Variants in COLQ observed in about 807,000 individuals in gnomAD.
COLQ encodes collagen like tail subunit of asymmetric acetylcholinesterase.
Under a neutral mutation model 69.0 loss-of-function variants are expected in COLQ, and 48 were observed. That is an observed-to-expected ratio of 0.70 (90% CI 0.55 to 0.88). The LOEUF (loss-of-function observed/expected upper bound fraction) is 0.88. Ranked by LOEUF, COLQ falls within the 40% of genes least tolerant of loss-of-function variation. COLQ has a pLI of 0.00. For missense variants in COLQ, 618 were observed against 594.6 expected (o/e 1.04, Z -0.41); for synonymous variants, 217 against 211.2 (o/e 1.03, Z -0.24).
At chr3:15,491,177 G>T (rs1279050646) in intron 1 of COLQ, among the ~76,000 whole-genome samples, 1 of 150,932 alleles carries the variant, frequency 6.6e-6, no homozygotes, top group Non-Finnish European at 1.5e-5. Context: ...TCTTGAAATG[G>T]CCCTAAAAAA....
intron 12 of COLQ, among the ~76,000 whole-genome samples, chr3:15,465,808 T>C (rs1289956196): frequency 1.3e-5 from 2 of 151,818 alleles, no homozygotes; most frequent in African/African-American, 4.8e-5. Context: ...TTTGCCATGG[T>C]TGACCAGGCT....
chr3:15,504,456 G>A (rs546592808), intron 1 of COLQ, among the ~76,000 whole-genome samples: 2 of 152,288 alleles, frequency 1.3e-5, no homozygotes, highest in South Asian at 4.1e-4. Flanking sequence ...GTCTCTTTGT[G>A]TGTTCAGATT....
intron 1 of COLQ, among the ~76,000 whole-genome samples, chr3:15,496,867 C>T (rs921123866): frequency 1.3e-5 from 2 of 152,058 alleles, no homozygotes; most frequent in Admixed American, 6.6e-5. Context: ...CTTTGGAAAG[C>T]GATTTTCTCC....
intron 1 of COLQ, among the ~76,000 whole-genome samples, chr3:15,513,961 T>C (rs2063021801): frequency 1.3e-5 from 2 of 152,148 alleles, no homozygotes; most frequent in African/African-American, 4.8e-5. Flanking sequence ...ACAAGGGTCA[T>C]TATAAGAGAC....
At chr3:15,477,093 A>T in intron 6 of COLQ, 33 bp downstream of exon 6, 1 of 1,575,068 alleles carries the variant, frequency 6.3e-7, no homozygotes, top group Admixed American at 1.8e-5. Context: ...TTGTTTTGAC[A>T]CCGCATGAGC....
At chr3:15,454,345 G>T (rs532107765) in intron 15 of COLQ, among the ~76,000 whole-genome samples, 1 of 152,334 alleles carries the variant, frequency 6.6e-6, no homozygotes, top group East Asian at 1.9e-4. Flanking sequence ...TGACACTGGT[G>T]AGCCCAGCCT....
intron 12 of COLQ, among the ~76,000 whole-genome samples, chr3:15,464,747 G>C (rs73146123): frequency 0.1 from 15,919 of 152,242 alleles, 884 homozygotes; most frequent in East Asian, 0.19. Context: ...TATAACTGAA[G>C]ACAGAAAATG....
At chr3:15,515,381 C>T (rs2063046611) in intron 1 of COLQ, among the ~76,000 whole-genome samples, 1 of 152,168 alleles carries the variant, frequency 6.6e-6, no homozygotes, top group African/African-American at 2.4e-5. Flanking sequence ...CCCAGGACCC[C>T]TCACAGTAGG....
intron 11 of COLQ, 134 bp downstream of exon 11, chr3:15,470,402 G>T: frequency 1.2e-6 from 1 of 826,680 alleles, no homozygotes. Flanking sequence ...TGCTGCTCCC[G>T]TCTGCTAGCC....
chr3:15,459,531 T>G (rs1011928463), intron 12 of COLQ, among the ~76,000 whole-genome samples: 4 of 150,096 alleles, frequency 2.7e-5, no homozygotes, highest in Non-Finnish European at 5.9e-5. Context: ...CAGGGTGAAG[T>G]GCAGTGGTGT....
At chr3:15,474,312 C>A (rs1271280332) in intron 8 of COLQ, 40 bp from the exon 9 acceptor site, 2 of 1,603,706 alleles carry the variant, frequency 1.2e-6, no homozygotes. Context: ...GAGTTAATAT[C>A]CTGGGAGGGA....
chr3:15,499,139 G>T (rs1335467350), intron 1 of COLQ, among the ~76,000 whole-genome samples: 1 of 151,360 alleles, frequency 6.6e-6, no homozygotes, highest in Non-Finnish European at 1.5e-5. Context: ...AAAGCTAAAC[G>T]TAACTAAAAC....
At position 15,456,015 on chromosome 3, in the gene COLQ, G is replaced by A. The variant is rs779104097; in HGVS notation, c.1079C>T (p.Thr360Ile). The A allele has an allele frequency of 1.2e-6, 2 of 1,614,080 alleles. No individual in the cohort carries two copies. The highest frequency in any genetic ancestry group is 2.2e-5 in the South Asian group (2 of 91,076). ...DSLGWLPIQL[T>I]PFYPVDYTAD... ...AGTGTAATCCACAGGGTAGAAAGGG[G>A]TCAGCTGGCCAAAGAAGCACACAGC... Residue 360 changes from threonine to isoleucine, a missense_variant, in exon 15 of 17, where the codon ACC (threonine) becomes ATC (isoleucine). Physicochemically the swap from Thr to Ile is moderately conservative, Grantham distance 89. Coordinates refer to ENST00000383788, the MANE Select transcript of COLQ (RefSeq NM_005677.4).
At position 15,489,611 on chromosome 3, in the gene COLQ, G is replaced by C; in HGVS notation, c.133C>G (p.Arg45Gly). The change falls in exon 2 of 17, where the codon CGT (arginine) becomes GGT (glycine). Residue 45 changes from arginine to glycine, a missense_variant. Arg to Gly is a moderately radical substitution (Grantham distance 125). Coordinates refer to ENST00000383788, the MANE Select transcript of COLQ (RefSeq NM_005677.4). ...AGGCAGCATGCTTTGTGGCCACCAC[G>C]CTTCTTCTGATCCAGGCTGGGAAGG... ...AALPSLDQKK[R>G]GGHKACCLLT... is the part of the protein sequence containing the mutation. The C allele has an allele frequency of 6.2e-7, 1 of 1,614,132 alleles. No individual in the cohort carries two copies. Among genetic ancestry groups the C allele is most frequent in the South Asian group, 1.1e-5 (1 of 91,076 alleles).
Position 15,473,430 on chromosome 3 carries a change from T to C in COLQ, c.636+570A>G, listed in dbSNP as rs1559518832. Reference sequence around the variant, plus strand: ...ACCTCGGCCTCCCAAAGTGCTGGGATTACAGGCATGAGGCACCATGCCTGG... The same window carrying C: ...ACCTCGGCCTCCCAAAGTGCTGGGACTACAGGCATGAGGCACCATGCCTGG... On this transcript the variant is annotated intron_variant, in intron 10 of 16. Transcript: ENST00000383788. This position sits in a 1 kb window ranked among gnomAD's most constrained non-coding sequence, Gnocchi z 4.0. Among the ~76,000 whole-genome samples the C allele has an allele frequency of 6.6e-6, 1 of 152,222 alleles. No homozygotes were observed. Among genetic ancestry groups the C allele is most frequent in the Non-Finnish European group, 1.5e-5 (1 of 68,028 alleles).
At chr3:15,503,878 T>C (rs2062866707) in intron 1 of COLQ, among the ~76,000 whole-genome samples, 1 of 151,912 alleles carries the variant, frequency 6.6e-6, no homozygotes. Context: ...TCAGAAGAAA[T>C]GGCACCCAAA....
At chr3:15,453,141 C>G (rs1350044565) in intron 16 of COLQ, among the ~76,000 whole-genome samples, 1 of 152,174 alleles carries the variant, frequency 6.6e-6, no homozygotes, top group Non-Finnish European at 1.5e-5. Context: ...TGGAAGGAGC[C>G]CAGTGGTTAC....
chr3:15,514,863 G>A (rs2063037445), intron 1 of COLQ, among the ~76,000 whole-genome samples: 1 of 152,214 alleles, frequency 6.6e-6, no homozygotes, highest in South Asian at 2.1e-4. Flanking sequence ...GCGTCCAGCA[G>A]CTTGTCCTGC....
At position 15,453,943 on chromosome 3, in the gene COLQ, T is replaced by C; in HGVS notation, c.1196-12A>G. ...GGCACGGTGACAGCCTGAGGGGACATAAGGAGGTGCAGTCTTGAGAAGGAG... is the reference window on the plus strand; with the variant it reads ...GGCACGGTGACAGCCTGAGGGGACACAAGGAGGTGCAGTCTTGAGAAGGAG... On this transcript the variant is annotated splice_polypyrimidine_tract_variant and intron_variant, in intron 15 of 16. Coordinates refer to ENST00000383788, the MANE Select transcript of COLQ (RefSeq NM_005677.4). 1 of 1,585,122 alleles carries C rather than the reference T, an allele frequency of 6.3e-7. No individual in the cohort carries two copies.
Sources: gnomAD v4.1 joint callset for allele counts (sites outside exome capture counted in the v4.1 genomes callset) on GRCh38, gnomAD v4.1.1 for gene constraint, Gnocchi (gnomAD v3.1) non-coding constraint, MANE v1.5 for transcripts, NCBI Gene and HGNC (gene_info 2026-07-23, HGNC 2026-07-21) for gene names.